ZNF804A: variants seen among roughly 807,000 people sequenced by gnomAD.
ZNF804A encodes zinc finger protein 804A.
A neutral mutation model predicts 16.5 loss-of-function variants in ZNF804A; 2 were observed. That is an observed-to-expected ratio of 0.12 (90% confidence interval 0.05 to 0.38). The LOEUF is 0.38. Among genes scored for constraint, ZNF804A ranks in the 10% least tolerant of loss-of-function variants. ZNF804A has a pLI of 0.99. For missense variants in ZNF804A, 1,473 were observed against 1,390.7 expected (o/e 1.06, Z -0.94); for synonymous variants, 534 against 489.6 (o/e 1.09, Z -1.20).
At chr2:184,609,202 T>C (rs1355446863) in intron 1 of ZNF804A, among the ~76,000 whole-genome samples, 6 of 152,166 alleles carry the variant, frequency 3.9e-5, no homozygotes, top group Admixed American at 3.9e-4. Context: ...AGGATAAAAT[T>C]GGTTCTGACA....
At chr2:184,865,145 G>T (rs1196891564) in intron 1 of ZNF804A, among the ~76,000 whole-genome samples, 4 of 152,042 alleles carry the variant, frequency 2.6e-5, no homozygotes, top group Non-Finnish European at 5.9e-5. Context: ...CTTCCAAAGT[G>T]CTGGGACTGC....
intron 1 of ZNF804A, among the ~76,000 whole-genome samples, chr2:184,812,454 G>T (rs1574223978): frequency 6.6e-6 from 1 of 152,204 alleles, no homozygotes; most frequent in East Asian, 1.9e-4. Context: ...ATGGAATAAA[G>T]AACTTTTTAT....
At chr2:184,738,998 A>C (rs1693674599) in intron 1 of ZNF804A, among the ~76,000 whole-genome samples, 1 of 152,198 alleles carries the variant, frequency 6.6e-6, no homozygotes, top group Non-Finnish European at 1.5e-5. Context: ...AATAAACACA[A>C]GGTTGAAATT....
intron 2 of ZNF804A, among the ~76,000 whole-genome samples, chr2:184,876,504 A>T (rs1344514316): frequency 1.3e-5 from 2 of 152,202 alleles, no homozygotes; most frequent in African/African-American, 4.8e-5. Flanking sequence ...TTGCTCCTAC[A>T]GAGCCCTCAA....
Position 184,903,239 on chromosome 2 carries a change from G to A in ZNF804A, c.256-30364G>A, listed in dbSNP as rs775788290. 1.3e-5 allele frequency among the ~76,000 whole-genome samples: 2 copies of A among 152,022 alleles called. 1 individual carries two copies. Among genetic ancestry groups the A allele is most frequent in the African/African-American group, 4.8e-5 (2 of 41,404 alleles). ...GACTCAGTAGAAATCTCCACATATA[G>A]AATAAAGATTACTTCAAAAATACAG... On this transcript the variant is annotated intron_variant, in intron 2 of 3. Transcript: ENST00000302277.
intron 1 of ZNF804A, among the ~76,000 whole-genome samples, chr2:184,750,526 G>A (rs1693862465): frequency 6.6e-6 from 1 of 150,938 alleles, no homozygotes; most frequent in South Asian, 2.1e-4. Context: ...GATATGTTTG[G>A]GATACAAAAA....
rs1011270480 is a variant in ZNF804A, at chr2:184,604,374, C to T, written c.111+5304C>T. Among the ~76,000 whole-genome samples, 14 of 151,698 alleles carry T rather than the reference C, an allele frequency of 9.2e-5. No individual in the cohort carries two copies. The East Asian group carries it at 1.2e-3, about 13-fold the overall frequency. On this transcript the variant is annotated intron_variant, in intron 1 of 3. Transcript: ENST00000302277. ...ATTTTTAGTAGAGACGAGGTTTCAC[C>T]GTGTTAGCCAGGATGGTCTCGATCT...
At chr2:184,905,605 T>C (rs1211540590) in intron 2 of ZNF804A, among the ~76,000 whole-genome samples, 1 of 152,174 alleles carries the variant, frequency 6.6e-6, no homozygotes, top group African/African-American at 2.4e-5. Context: ...AGAACCAGTA[T>C]GATTAATACA....
rs549027358 is a variant in ZNF804A, at chr2:184,784,810, C to T, written c.112-81559C>T. On this transcript the variant is annotated intron_variant, in intron 1 of 3. Transcript: ENST00000302277. ...AATACATGCTTAAATATGATTCATCCGAGGAATATAAGCATTGTAAAAACA... is the reference window on the plus strand; with the variant it reads ...AATACATGCTTAAATATGATTCATCTGAGGAATATAAGCATTGTAAAAACA... 1.7e-3 allele frequency among the ~76,000 whole-genome samples: 255 copies of T among 151,894 alleles called. 1 individual carries two copies. Among genetic ancestry groups the T allele is most frequent in the African/African-American group, 5.6e-3 (234 of 41,446 alleles).
chr2:184,625,407 T>C (rs1391968624), intron 1 of ZNF804A, among the ~76,000 whole-genome samples: 1 of 152,110 alleles, frequency 6.6e-6, no homozygotes, highest in Non-Finnish European at 1.5e-5. Context: ...TAAGTATAAT[T>C]TTATGTCTAG....
At chr2:184,804,618 A>C (rs890463747) in intron 1 of ZNF804A, among the ~76,000 whole-genome samples, 8 of 152,240 alleles carry the variant, frequency 5.3e-5, no homozygotes, top group African/African-American at 1.9e-4. Context: ...GATAATGCAG[A>C]GAAATTAAAC....
At chr2:184,665,157 C>T (rs554998124) in intron 1 of ZNF804A, among the ~76,000 whole-genome samples, 2 of 152,178 alleles carry the variant, frequency 1.3e-5, no homozygotes, top group Non-Finnish European at 2.9e-5. Context: ...CTGCAGGCAA[C>T]ACATTTCAGA....
intron 1 of ZNF804A, among the ~76,000 whole-genome samples, chr2:184,667,076 G>C (rs1338822150): frequency 6.6e-6 from 1 of 151,936 alleles, no homozygotes; most frequent in Non-Finnish European, 1.5e-5. Context: ...TTTGTGGAAT[G>C]TATTGACCTT....
At chr2:184,736,095 A>G (rs1357730915) in intron 1 of ZNF804A, among the ~76,000 whole-genome samples, 1 of 152,154 alleles carries the variant, frequency 6.6e-6, no homozygotes, top group Non-Finnish European at 1.5e-5. Context: ...TTTGATGTTC[A>G]GTCTCCCCTC....
At chr2:184,831,757 A>G (rs1456421488) in intron 1 of ZNF804A, among the ~76,000 whole-genome samples, 2 of 151,788 alleles carry the variant, frequency 1.3e-5, no homozygotes, top group African/African-American at 4.8e-5. Flanking sequence ...AGCAACCACT[A>G]CAACAGCAAA....
intron 1 of ZNF804A, among the ~76,000 whole-genome samples, chr2:184,630,728 G>A (rs1490670722): frequency 6.6e-6 from 1 of 152,000 alleles, no homozygotes; most frequent in Non-Finnish European, 1.5e-5. Flanking sequence ...CCAAATGCCT[G>A]GAGATTCAAA....
At position 184,938,107 on chromosome 2, in the gene ZNF804A, C is replaced by T; in HGVS notation, c.2711C>T (p.Ser904Phe). ...ETEHLEMETT[S>F]GELSDVSNDP... ...GAGCATTTAGAAATGGAGACCACTT[C>T]TGGTGAATTGTCAGATGTTTCCAAT... is the stretch of plus-strand genomic sequence containing the variant. The change falls in exon 4 of 4, where the codon TCT (serine) becomes TTT (phenylalanine). Residue 904 changes from serine (S) to phenylalanine (F), a missense_variant. Physicochemically the swap from Ser to Phe is radical, Grantham distance 155. Coordinates refer to ENST00000302277, the MANE Select transcript of ZNF804A (RefSeq NM_194250.2). The T allele has an allele frequency of 6.2e-7, 1 of 1,614,140 alleles. No homozygotes were observed. Among genetic ancestry groups the T allele is most frequent in the East Asian group, 2.2e-5 (1 of 44,864 alleles).
At chr2:184,855,864 T>C (rs940234510) in intron 1 of ZNF804A, among the ~76,000 whole-genome samples, 1 of 152,078 alleles carries the variant, frequency 6.6e-6, no homozygotes, top group Admixed American at 6.6e-5. Context: ...AAGGACTCTA[T>C]GTCAGGAGAT....
chr2:184,866,525 T>A lies in ZNF804A; in HGVS notation c.255+13T>A, dbSNP rs760117116. On this transcript the variant is annotated intron_variant, in intron 2 of 3. Coordinates refer to ENST00000302277, the MANE Select transcript of ZNF804A (RefSeq NM_194250.2). ...TGCTCACAAGCAGGTAAGAAAGAGA[T>A]GTGAAAAAATTCTGGCATTTCTGGA... is the stretch of plus-strand genomic sequence containing the variant. 1 of 1,591,710 alleles carries A rather than the reference T, an allele frequency of 6.3e-7. No individual in the cohort carries two copies. The highest frequency in any genetic ancestry group is 1.8e-5 in the Admixed American group (1 of 54,466).
Sources: gnomAD v4.1 joint callset for allele counts (sites outside exome capture counted in the v4.1 genomes callset) on GRCh38, gnomAD v4.1.1 for gene constraint, MANE v1.5 for transcripts, NCBI Gene and HGNC (gene_info 2026-07-23, HGNC 2026-07-21) for gene names.